The following ACSM2A variants were observed in gnomAD, a reference collection of about 807,000 sequenced individuals.
The protein encoded by ACSM2A is acyl-CoA synthetase medium chain family member 2A, also known as acyl-coenzyme A synthetase ACSM2A, mitochondrial.
Under a neutral mutation model 76.6 loss-of-function variants are expected in ACSM2A, and 72 were observed. The observed-to-expected ratio is 0.94, with a 90% CI of 0.78 to 1.14. ACSM2A has a LOEUF of 1.14. Among genes scored for constraint, ACSM2A ranks in the 50% most tolerant of loss-of-function variants. The pLI, the probability that ACSM2A is intolerant of heterozygous loss-of-function variation, is 0.00. For missense variants in ACSM2A, 684 were observed against 708.5 expected (o/e 0.97, Z 0.39); for synonymous variants, 249 against 255.9 (o/e 0.97, Z 0.26).
intron 3 of ACSM2A, among the ~76,000 whole-genome samples, chr16:20,466,732 G>C (rs2013022319): frequency 6.6e-6 from 1 of 152,196 alleles, no homozygotes; most frequent in Non-Finnish European, 1.5e-5. Flanking sequence ...TTACTGATCT[G>C]GGTAGTGCAA....
chr16:20,481,012 A>C (rs1015122210), intron 12 of ACSM2A, 91 bp downstream of exon 12: 2 of 1,437,860 alleles, frequency 1.4e-6, no homozygotes, highest in Non-Finnish European at 1.9e-6. Context: ...GTGGGGCTGA[A>C]CACTCTGAGA....
rs773276231 is a variant in ACSM2A, at chr16:20,478,722, G to A, written c.1281+45G>A. 30 of 1,582,788 alleles carry A rather than the reference G, an allele frequency of 1.9e-5. No homozygotes were observed. In the Admixed American group the frequency reaches 4.3e-4, roughly 22 times the overall value. ...CTCCTCTGTTCCCCAGTGAGGATGG[G>A]AGCACTAAACGGGATGAGGGAGGAC... On this transcript the variant is annotated intron_variant, in intron 10 of 13. Coordinates refer to ENST00000573854, the MANE Select transcript of ACSM2A (RefSeq NM_001308172.2).
chr16:20,457,051 G>A lies in ACSM2A; in HGVS notation c.-8-3056G>A, dbSNP rs368990531. Reference sequence around the variant, plus strand: ...TTTATGCACATAAGCTAAAAAACTTGGAGGAGATGGATAAATTCTTGGGAA... The same window carrying A: ...TTTATGCACATAAGCTAAAAAACTTAGAGGAGATGGATAAATTCTTGGGAA... On this transcript the variant is annotated intron_variant, in intron 1 of 13. Coordinates refer to ENST00000573854, the MANE Select transcript of ACSM2A (RefSeq NM_001308172.2). Among the ~76,000 whole-genome samples, 152 of 152,098 alleles carry A rather than the reference G, an allele frequency of 1.0e-3. 3 individuals carry two copies. The South Asian group carries it at 0.03, about 30-fold the overall frequency.
At chr16:20,478,446 T>A in intron 9 of ACSM2A, 130 bp from the exon 10 acceptor site, 3 of 1,051,310 alleles carry the variant, frequency 2.9e-6, no homozygotes, top group Non-Finnish European at 4.0e-6. Context: ...TTCCCCTGGC[T>A]TCTGGTTGTT....
chr16:20,453,504 T>C (rs1171755944), intron 1 of ACSM2A: 1 of 143,776 alleles, frequency 7.0e-6, no homozygotes, highest in African/African-American at 2.7e-5. Context: ...CAGAATGTAA[T>C]TCACCTCAGG....
At chr16:20,473,114 G>C (rs1235793056) in intron 6 of ACSM2A, among the ~76,000 whole-genome samples, 3 of 152,140 alleles carry the variant, frequency 2.0e-5, no homozygotes, top group Non-Finnish European at 2.9e-5. Context: ...TTTCCCTGCT[G>C]TGCCCCCAGA....
At chr16:20,482,835 C>CT (rs2014159919) in intron 12 of ACSM2A, 1 of 524,712 alleles carries the variant, frequency 1.9e-6, no homozygotes, top group African/African-American at 1.9e-5. Flanking sequence ...TGAGGTGAGC[C>CT]TAGTCTCAAT....
intron 13 of ACSM2A, among the ~76,000 whole-genome samples, chr16:20,485,016 C>T (rs2014310876): frequency 6.6e-6 from 1 of 152,144 alleles, no homozygotes; most frequent in African/African-American, 2.4e-5. Context: ...CCACCAGTTA[C>T]TCAATAACCT....
chr16:20,458,911 T>TATATATATATATATATATATAC (rs1567356875), intron 1 of ACSM2A, among the ~76,000 whole-genome samples: 1 of 59,046 alleles, frequency 1.7e-5, no homozygotes, highest in East Asian at 3.3e-3. Flanking sequence ...TATGCATATA[T>TATATATATATATATATATATAC]ATATATATAT....
intron 1 of ACSM2A, among the ~76,000 whole-genome samples, chr16:20,458,594 T>TA (rs2012354397): frequency 6.9e-6 from 1 of 143,992 alleles, no homozygotes. Context: ...AGTATATATA[T>TA]TTTTTATATA....
rs72108144 is a variant in ACSM2A at position 20,458,905 on chromosome 16, C to CATATATATAT, written c.-8-1184_-8-1175dup. Among the ~76,000 whole-genome samples, 170 of 74,846 alleles carry CATATATATAT rather than the reference C, an allele frequency of 2.3e-3. 2 individuals carry two copies. The highest frequency in any genetic ancestry group is 0.019 in the South Asian group (40 of 2,052). 49.1% of individuals were successfully genotyped at this position (74,846 alleles called of 152,430 possible). On this transcript the variant is annotated intron_variant, in intron 1 of 13. Coordinates refer to ENST00000573854, the MANE Select transcript of ACSM2A (RefSeq NM_001308172.2). ...ACATAGTATATATTATATATATATGCATATATATATATATATATATATATA... is the reference window on the plus strand; with the variant it reads ...ACATAGTATATATTATATATATATGCATATATATATATATATATATATATATATATATATA...
chr16:20,481,765 T>C (rs965359553), intron 12 of ACSM2A: 1 of 141,410 alleles, frequency 7.1e-6, no homozygotes, highest in African/African-American at 2.6e-5. Context: ...ATACTCAAGG[T>C]GATGGACACC....
rs554882689 is a variant in ACSM2A, at chr16:20,459,164, G to T, written c.-8-943G>T. On this transcript the variant is annotated intron_variant, in intron 1 of 13. Transcript: ENST00000573854. The stretch of plus-strand genomic sequence containing the variant: ...ACTTGGGGGAAATGATGGGAAGGAG[G>T]TGAGGAATAAAAGGGTACAAAGTGG... Among the ~76,000 whole-genome samples the T allele has an allele frequency of 6.6e-5, 10 of 151,988 alleles. 1 individual carries two copies. The South Asian group carries it at 1.9e-3, about 28-fold the overall frequency.
chr16:20,479,265 G>A (rs1270263195), intron 10 of ACSM2A, among the ~76,000 whole-genome samples: 1 of 152,180 alleles, frequency 6.6e-6, no homozygotes, highest in Non-Finnish European at 1.5e-5. Context: ...TGATCCCTGA[G>A]AGAATTGATT....
At chr16:20,482,131 T>C in intron 12 of ACSM2A, 2 of 95,188 alleles carry the variant, frequency 2.1e-5, no homozygotes, top group Non-Finnish European at 3.6e-5. Flanking sequence ...TGAGACTCTG[T>C]CTCAAAAAAA....
intron 1 of ACSM2A, chr16:20,452,528 T>C (rs1370361253): frequency 1.6e-5 from 2 of 125,390 alleles, no homozygotes; most frequent in Non-Finnish European, 3.2e-5. Context: ...TATACACACA[T>C]ACATATGTTA....
intron 2 of ACSM2A, among the ~76,000 whole-genome samples, chr16:20,465,090 G>A (rs1468561681): frequency 6.6e-6 from 1 of 152,172 alleles, no homozygotes; most frequent in Admixed American, 6.5e-5. Flanking sequence ...TCACAACAGA[G>A]TGAATGCAGA....
chr16:20,477,181 T>C (rs1596670515), intron 8 of ACSM2A, 188 bp from the exon 9 acceptor site: 2 of 1,083,968 alleles, frequency 1.8e-6, no homozygotes, highest in Non-Finnish European at 1.2e-6. Context: ...GAACTAACAA[T>C]TTAGCGAAGC....
chr16:20,480,803 A>G lies in ACSM2A; in HGVS notation c.1410-19A>G, dbSNP rs1739911826. ...AGGTTCGGTGTCCAGTGTTCTCTGA[A>G]GGACAGGTTCTTCTGCAGGTACCGG... On this transcript the variant is annotated intron_variant, in intron 11 of 13. Coordinates refer to ENST00000573854, the MANE Select transcript of ACSM2A (RefSeq NM_001308172.2). The G allele has an allele frequency of 6.2e-7, 1 of 1,613,730 alleles. No individual in the cohort carries two copies. Among genetic ancestry groups the G allele is most frequent in the Non-Finnish European group, 8.5e-7 (1 of 1,179,852 alleles).
Sources: allele counts gnomAD v4.1 joint callset (sites outside exome capture counted in the v4.1 genomes callset), GRCh38; gene constraint gnomAD v4.1.1; transcripts MANE v1.5; gene names NCBI Gene and HGNC (gene_info 2026-07-23, HGNC 2026-07-21).